The following MEAF6 variants were observed in gnomAD, a reference collection of about 807,000 sequenced individuals.
The protein encoded by MEAF6 is chromatin modification-related protein MEAF6.
A neutral mutation model predicts 28.9 loss-of-function variants in MEAF6; 15 were observed. The ratio of observed to expected loss-of-function variants is 0.52; its 90% CI spans 0.35 to 0.80. The LOEUF (loss-of-function observed/expected upper bound fraction) is 0.80. Among genes scored for constraint, MEAF6 ranks in the 30% least tolerant of loss-of-function variants. The pLI is 0.01. For synonymous variants in MEAF6, 97 were observed against 88.7 expected, an observed-to-expected ratio of 1.09 and a Z score of -0.53; for missense variants, 178 against 237.5, an observed-to-expected ratio of 0.75 and a Z score of 1.65.
chr1:37,500,986 T>C (rs1280349079), intron 5 of MEAF6: 1 of 154,188 alleles, frequency 6.5e-6, no homozygotes, highest in Non-Finnish European at 1.5e-5. Context: ...CCATTTCTCC[T>C]GGAAGGCTTG....
At chr1:37,509,123 A>C (rs192611070) in intron 4 of MEAF6, among the ~76,000 whole-genome samples, 155 bp downstream of exon 4, 28 of 152,308 alleles carry the variant, frequency 1.8e-4, no homozygotes, top group African/African-American at 6.7e-4. Context: ...AACATGATTA[A>C]GGATACCCTA....
intron 4 of MEAF6, among the ~76,000 whole-genome samples, chr1:37,507,754 A>T (rs537901927): frequency 2.6e-5 from 4 of 151,968 alleles, no homozygotes; most frequent in Admixed American, 2.0e-4. Context: ...GCCCCTAGAA[A>T]GCGGAGGTTG....
At chr1:37,502,741 C>T (rs958196723) in intron 4 of MEAF6, among the ~76,000 whole-genome samples, 1 of 151,682 alleles carries the variant, frequency 6.6e-6, no homozygotes, top group Non-Finnish European at 1.5e-5. Flanking sequence ...CCTCAGCCTC[C>T]CAAGTAGCTG....
chr1:37,496,841 C>T lies in MEAF6; in HGVS notation c.534-923G>A. Reference sequence around the variant, plus strand: ...GCAAGAATTGTAGAAACAAAATCAGCTTTAAGAATCTTAAGCAACAAAGTA... The same window carrying T: ...GCAAGAATTGTAGAAACAAAATCAGTTTTAAGAATCTTAAGCAACAAAGTA... On this transcript the variant is annotated intron_variant, in intron 5 of 6. Transcript: ENST00000296214. 1.1e-5 allele frequency: 13 copies of T among 1,218,526 alleles called. No individual in the cohort carries two copies. In the South Asian group the frequency reaches 2.4e-4, roughly 22 times the overall value. 75.5% of individuals were successfully genotyped at this position (1,218,526 alleles called of 1,614,324 possible). A position where few individuals can be genotyped will look rare whatever the true frequency, so the allele number is the denominator to read the frequency against.
chr1:37,501,707 A>G lies in MEAF6; in HGVS notation c.533+97T>C, dbSNP rs1569966412. On this transcript the variant is annotated intron_variant, in intron 5 of 6. Transcript: ENST00000296214. ...ATGACTTTCTTGCCATCAGCAACAG[A>G]AAGAGTCTGCAGCAATCCTAAAGAG... The G allele has an allele frequency of 4.1e-6, 5 of 1,223,398 alleles. No homozygotes were observed. The East Asian group carries it at 1.3e-4, about 31-fold the overall frequency. 75.8% of individuals were successfully genotyped at this position (1,223,398 alleles called of 1,614,324 possible).
intron 2 of MEAF6, among the ~76,000 whole-genome samples, chr1:37,510,381 A>ATTTTTTTTT (rs34785696): frequency 3.2e-5 from 3 of 95,014 alleles, no homozygotes; most frequent in Non-Finnish European, 5.8e-5. Context: ...GCACCTAGCC[A>ATTTTTTTTT]TTTTTTTTTT....
At chr1:37,511,851 A>C (rs1417719432) in intron 2 of MEAF6, among the ~76,000 whole-genome samples, 2 of 152,346 alleles carry the variant, frequency 1.3e-5, no homozygotes, top group South Asian at 4.1e-4. Context: ...GCATGCATGA[A>C]TGCTTACTGA....
Position 37,493,681 on chromosome 1 carries a change from T to C in MEAF6, c.*418A>G. 2.0e-6 allele frequency: 2 copies of C among 985,846 alleles called. No homozygotes were observed. The highest frequency in any genetic ancestry group is 3.1e-6 in the Non-Finnish European group (2 of 652,750). The allele number at this position is 985,846 out of a possible 1,614,324, so 61.1% of individuals were successfully genotyped here. ...GAAAACATAAAACAATATAAGAAAA[T>C]GCCAGATATTTACAGCCTCCATCTG... On this transcript the variant is annotated 3_prime_UTR_variant, in exon 7 of 7. Coordinates refer to ENST00000296214, the MANE Select transcript of MEAF6 (RefSeq NM_001270875.3).
chr1:37,494,450 G>A (rs377483977), intron 6 of MEAF6, among the ~76,000 whole-genome samples: 107 of 150,312 alleles, frequency 7.1e-4, no homozygotes, highest in African/African-American at 2.4e-3. Context: ...GGAAGGCGGA[G>A]GTTGCAGTGA....
chr1:37,502,834 G>A lies in MEAF6; in HGVS notation c.341-838C>T, dbSNP rs1315198934. On this transcript the variant is annotated intron_variant, in intron 4 of 6. Coordinates refer to ENST00000296214, the MANE Select transcript of MEAF6 (RefSeq NM_001270875.3). ...GTGGTTTTGCCATGTTGCCCAGGCT[G>A]GTCTTGAACTCCTAGGCTCAAGAGA... 4.6e-5 allele frequency among the ~76,000 whole-genome samples: 7 copies of A among 152,002 alleles called. No homozygotes were observed. The East Asian group carries it at 5.8e-4, about 13-fold the overall frequency.
chr1:37,492,427 AC>A lies in MEAF6; in HGVS notation c.*1671del, dbSNP rs778587426. The A allele has an allele frequency of 1.6e-4, 24 of 152,208 alleles. No individual in the cohort carries two copies. The highest frequency in any genetic ancestry group is 5.8e-4 in the African/African-American group (24 of 41,540). The allele number at this position is 152,208 out of a possible 1,614,324, so 9.4% of individuals were successfully genotyped here. A position where few individuals can be genotyped will look rare whatever the true frequency, so the allele number is the denominator to read the frequency against. Reference sequence around the variant, plus strand: ...CCCTCCCAGCAAAGGAGACCAACAGACAAAAAATACAGAATGCTTCTAGGAT... The same window carrying A: ...CCCTCCCAGCAAAGGAGACCAACAGAAAAAAATACAGAATGCTTCTAGGAT... On this transcript the variant is annotated 3_prime_UTR_variant, in exon 7 of 7. Transcript: ENST00000296214.
At chr1:37,494,701 C>T (rs1642056991) in intron 6 of MEAF6, among the ~76,000 whole-genome samples, 1 of 150,446 alleles carries the variant, frequency 6.6e-6, no homozygotes, top group African/African-American at 2.5e-5. Context: ...TGTGGTGGCT[C>T]ATGCCTGTGG....
At chr1:37,502,036 G>A (rs1187907733) in intron 4 of MEAF6, 40 bp from the exon 5 acceptor site, 3 of 1,528,234 alleles carry the variant, frequency 2.0e-6, no homozygotes. Flanking sequence ...TGCATCATCA[G>A]TACTCCTCAG....
At chr1:37,502,615 CTTTT>C (rs35429238) in intron 4 of MEAF6, among the ~76,000 whole-genome samples, 3 of 109,686 alleles carry the variant, frequency 2.7e-5, no homozygotes, top group Non-Finnish European at 3.8e-5. Flanking sequence ...CCTCGTAAGT[CTTTT>C]TTTTTTTTTT....
chr1:37,502,096 C>T, intron 4 of MEAF6, 100 bp from the exon 5 acceptor site: 3 of 923,344 alleles, frequency 3.2e-6, no homozygotes, highest in Non-Finnish European at 3.2e-6. Flanking sequence ...AAACCATTCC[C>T]TATCCTCTAA....
In MEAF6 at chr1:37,498,796, T is replaced by C. The variant is rs56817829; in HGVS notation, c.534-2878A>G. Among the ~76,000 whole-genome samples, 273 of 152,254 alleles carry C rather than the reference T, an allele frequency of 1.8e-3. 1 individual carries two copies. The highest frequency in any genetic ancestry group is 6.3e-3 in the African/African-American group (262 of 41,524). The stretch of plus-strand genomic sequence containing the variant: ...GGAATGACATACTGTTCAGGTATCA[T>C]GTAAAATATAAGAATTCAGAACAAT... On this transcript the variant is annotated intron_variant, in intron 5 of 6. Coordinates refer to ENST00000296214, the MANE Select transcript of MEAF6 (RefSeq NM_001270875.3).
At chr1:37,499,881 G>GA (rs1480263140) in intron 5 of MEAF6, among the ~76,000 whole-genome samples, 1 of 152,164 alleles carries the variant, frequency 6.6e-6, no homozygotes, top group Non-Finnish European at 1.5e-5. Context: ...ATCATTAGTG[G>GA]AAATGAAGAA....
chr1:37,499,269 G>A (rs1282909912), intron 5 of MEAF6, among the ~76,000 whole-genome samples: 1 of 152,124 alleles, frequency 6.6e-6, no homozygotes, highest in African/African-American at 2.4e-5. Flanking sequence ...CACACAGTAA[G>A]TACTCAAACA....
At chr1:37,495,262 C>T (rs972993195) in intron 6 of MEAF6, among the ~76,000 whole-genome samples, 1 of 151,534 alleles carries the variant, frequency 6.6e-6, no homozygotes. Context: ...ACCTGGGAGG[C>T]GGAGGTTGCA....
Sources: allele counts gnomAD v4.1 joint callset (sites outside exome capture counted in the v4.1 genomes callset), GRCh38; gene constraint gnomAD v4.1.1; transcripts MANE v1.5; gene names NCBI Gene and HGNC (gene_info 2026-07-23, HGNC 2026-07-21).